The following TOX2 variants were observed in gnomAD, a reference collection of about 807,000 sequenced individuals.
The protein encoded by TOX2 is granulosa cell HMG box 1.
Under a neutral mutation model 47.4 loss-of-function variants are expected in TOX2, and 15 were observed. The observed-to-expected ratio is 0.32, with a 90% CI of 0.21 to 0.49. TOX2 has a LOEUF of 0.49. TOX2 is among the 20% of genes least tolerant of loss of function. The pLI is 0.99. For synonymous variants in TOX2, 290 were observed against 296.6 expected (o/e 0.98, Z 0.23); for missense variants, 622 against 673.1 (o/e 0.92, Z 0.84).
At chr20:43,952,063 AT>A (rs200039355) in intron 1 of TOX2, among the ~76,000 whole-genome samples, 2 of 145,850 alleles carry the variant, frequency 1.4e-5, no homozygotes, top group Admixed American at 6.8e-5. Context: ...CACCCGGCTG[AT>A]TTTTTTTTTA....
intron 1 of TOX2, among the ~76,000 whole-genome samples, chr20:43,929,182 A>G (rs930771110): frequency 6.6e-6 from 1 of 151,870 alleles, no homozygotes; most frequent in African/African-American, 2.4e-5. Context: ...AAACAAACAA[A>G]CAAAAACAGG....
chr20:44,015,159 C>A (rs2070857818), intron 3 of TOX2, among the ~76,000 whole-genome samples: 1 of 151,910 alleles, frequency 6.6e-6, no homozygotes, highest in Non-Finnish European at 1.5e-5. Flanking sequence ...CTCTGAGGGT[C>A]CTAAACAGTG....
At chr20:44,017,253 G>A (rs1240781786) in intron 3 of TOX2, among the ~76,000 whole-genome samples, 3 of 152,238 alleles carry the variant, frequency 2.0e-5, no homozygotes, top group African/African-American at 7.2e-5. Context: ...TCCTGCACCC[G>A]CCTGGCTGAG....
chr20:44,028,249 C>T (rs2071094961), intron 3 of TOX2, among the ~76,000 whole-genome samples: 1 of 151,932 alleles, frequency 6.6e-6, no homozygotes, highest in Non-Finnish European at 1.5e-5. Flanking sequence ...GCCAACTGGT[C>T]CCAGGTGGAA....
intron 1 of TOX2, among the ~76,000 whole-genome samples, chr20:43,970,760 C>T (rs949820638): frequency 6.6e-6 from 1 of 152,208 alleles, no homozygotes; most frequent in Non-Finnish European, 1.5e-5. Flanking sequence ...ATGCCAGGCT[C>T]TGGGAGATTT....
At chr20:44,050,231 G>C (rs1569134707) in intron 3 of TOX2, among the ~76,000 whole-genome samples, 1 of 152,238 alleles carries the variant, frequency 6.6e-6, no homozygotes, top group East Asian at 1.9e-4. Context: ...CAAAATTGAG[G>C]GGGAAGCAGC....
chr20:44,045,765 C>CA (rs1328369355), intron 3 of TOX2, among the ~76,000 whole-genome samples: 2 of 152,076 alleles, frequency 1.3e-5, no homozygotes, highest in Admixed American at 6.5e-5. Flanking sequence ...TGCAAAACTT[C>CA]AAAAATCCGC....
At chr20:43,929,378 A>G (rs2069222673) in intron 1 of TOX2, among the ~76,000 whole-genome samples, 1 of 152,114 alleles carries the variant, frequency 6.6e-6, no homozygotes, top group Non-Finnish European at 1.5e-5. Context: ...CTGCATTTCC[A>G]GCCTCTGTTC....
chr20:43,988,651 G>A (rs535079647), intron 2 of TOX2, among the ~76,000 whole-genome samples: 11 of 152,348 alleles, frequency 7.2e-5, no homozygotes, highest in South Asian at 6.2e-4. Flanking sequence ...TGGGGGCAGG[G>A]ACCTGGCACA....
intron 3 of TOX2, among the ~76,000 whole-genome samples, chr20:44,036,815 C>T (rs999085139): frequency 1.3e-5 from 2 of 152,358 alleles, no homozygotes; most frequent in South Asian, 4.1e-4. Flanking sequence ...AGTTTGCCAA[C>T]CCCTGGATCT....
At chr20:44,048,388 T>TATATA (rs1555845974) in intron 3 of TOX2, among the ~76,000 whole-genome samples, 4 of 86,846 alleles carry the variant, frequency 4.6e-5, no homozygotes, top group African/African-American at 1.8e-4. Context: ...TAAAATGAAT[T>TATATA]TATATATATA....
At chr20:44,000,685 G>A (rs539455663) in intron 2 of TOX2, among the ~76,000 whole-genome samples, 1 of 152,090 alleles carries the variant, frequency 6.6e-6, no homozygotes, top group East Asian at 1.9e-4. Flanking sequence ...TTAGAGGAGG[G>A]TATAAGATCT....
chr20:44,011,968 T>G lies in TOX2; in HGVS notation c.411+5176T>G, dbSNP rs374099224. Among the ~76,000 whole-genome samples, 399 of 152,346 alleles carry G rather than the reference T, an allele frequency of 2.6e-3. 2 individuals carry two copies. Among genetic ancestry groups the G allele is most frequent in the African/African-American group, 9.3e-3 (385 of 41,562 alleles). On this transcript the variant is annotated intron_variant, in intron 3 of 8. Transcript: ENST00000341197. ...TTACAAAATTAAATATGCTTAAGGCTTCTCTCTCAACTTCAGCGTCTTAAC... is the reference window on the plus strand; with the variant it reads ...TTACAAAATTAAATATGCTTAAGGCGTCTCTCTCAACTTCAGCGTCTTAAC...
At chr20:44,027,950 A>G (rs898114497) in intron 3 of TOX2, among the ~76,000 whole-genome samples, 6 of 152,172 alleles carry the variant, frequency 3.9e-5, no homozygotes, top group African/African-American at 1.4e-4. Context: ...ATTCCTCAAC[A>G]TGTGCTGAGT....
At chr20:44,028,061 G>A (rs1338103713) in intron 3 of TOX2, among the ~76,000 whole-genome samples, 1 of 152,198 alleles carries the variant, frequency 6.6e-6, no homozygotes, top group Admixed American at 6.5e-5. Context: ...CACAACCAGA[G>A]CCATGTACAC....
At chr20:43,937,368 C>T (rs186066873) in intron 1 of TOX2, among the ~76,000 whole-genome samples, 1 of 152,220 alleles carries the variant, frequency 6.6e-6, no homozygotes, top group Non-Finnish European at 1.5e-5. Flanking sequence ...AACCTTCCCA[C>T]GGGCAGCTCC....
intron 2 of TOX2, among the ~76,000 whole-genome samples, chr20:43,976,782 GCACACA>G (rs11086916): frequency 2.7e-5 from 4 of 146,434 alleles, no homozygotes; most frequent in Admixed American, 2.7e-4. Flanking sequence ...GAGCGCGCGC[GCACACA>G]CACACACACA....
At chr20:44,020,888 C>T (rs185758298) in intron 3 of TOX2, among the ~76,000 whole-genome samples, 4 of 152,200 alleles carry the variant, frequency 2.6e-5, no homozygotes, top group Non-Finnish European at 2.9e-5. Flanking sequence ...CAGACTTTTT[C>T]CCCCCAGAGG....
At chr20:44,061,468 T>G (rs976750932) in intron 5 of TOX2, among the ~76,000 whole-genome samples, 1 of 151,870 alleles carries the variant, frequency 6.6e-6, no homozygotes, top group African/African-American at 2.4e-5. Context: ...GGGATATACT[T>G]CAAGGTAATA....
Sources: allele counts gnomAD v4.1 joint callset (sites outside exome capture counted in the v4.1 genomes callset), GRCh38; gene constraint gnomAD v4.1.1; transcripts MANE v1.5; gene names NCBI Gene and HGNC (gene_info 2026-07-23, HGNC 2026-07-21).